UBE4B: variants seen among roughly 807,000 people sequenced by gnomAD.
The protein encoded by UBE4B is ubiquitin conjugation factor E4 B.
Under a neutral mutation model 148.1 loss-of-function variants are expected in UBE4B, and 27 were observed. The ratio of observed to expected loss-of-function variants is 0.18; its 90% confidence interval spans 0.13 to 0.25. The LOEUF (loss-of-function observed/expected upper bound fraction) is 0.25. Among genes scored for constraint, UBE4B ranks in the 10% least tolerant of loss-of-function variants. The pLI is 1.00. For synonymous variants in UBE4B, 596 were observed against 619.3 expected, an observed-to-expected ratio of 0.96 and a Z score of 0.56; for missense variants, 1,170 against 1,662.4, an observed-to-expected ratio of 0.70 and a Z score of 5.15.
intron 2 of UBE4B, among the ~76,000 whole-genome samples, chr1:10,092,645 T>C (rs1164634726): frequency 6.6e-6 from 1 of 151,898 alleles, no homozygotes. Context: ...CTGACAAACA[T>C]GGTTAAACCC....
chr1:10,106,541 G>T lies in UBE4B; in HGVS notation c.1154G>T (p.Ser385Ile), dbSNP rs1479959631. The T allele has an allele frequency of 1.3e-6, 2 of 1,595,418 alleles. No homozygotes were observed. The highest frequency in any genetic ancestry group is 8.5e-7 in the Non-Finnish European group (1 of 1,172,338). Residue 385 changes from serine (S) to isoleucine (I), a missense_variant, in exon 7 of 28, where the codon AGT (serine) becomes ATT (isoleucine). Around this residue, in one of 6 missense-constraint regions of UBE4B, gnomAD observed 214 missense variants for 209.1 expected, o/e 1.02. Coordinates refer to ENST00000343090, the MANE Select transcript of UBE4B (RefSeq NM_001105562.3). This position sits in a 1 kb window ranked among gnomAD's most constrained non-coding sequence, Gnocchi z 4.2. ...TGPPLPPASP[S>I]ATSRRPSSLR... ...CCACCCCTACCACCCGCCTCACCCA[G>T]TGCCACGAGCAGACGCCCCTCCTCC...
At chr1:10,095,249 A>G (rs1644912924) in intron 2 of UBE4B, among the ~76,000 whole-genome samples, 1 of 152,192 alleles carries the variant, frequency 6.6e-6, no homozygotes, top group African/African-American at 2.4e-5. Context: ...CTGACCTCAT[A>G]TGAAGTATAT....
intron 1 of UBE4B, among the ~76,000 whole-genome samples, chr1:10,040,799 T>C (rs990114013): frequency 6.6e-6 from 1 of 152,004 alleles, no homozygotes; most frequent in Non-Finnish European, 1.5e-5. Context: ...TTTGTATTTT[T>C]ATTAGAGACG....
At chr1:10,044,113 A>C (rs1433583073) in intron 1 of UBE4B, among the ~76,000 whole-genome samples, 1 of 151,886 alleles carries the variant, frequency 6.6e-6, no homozygotes, top group Non-Finnish European at 1.5e-5. Context: ...ATCTCAGCTC[A>C]CTGCAACCTC....
At chr1:10,046,493 G>C (rs1643914687) in intron 1 of UBE4B, among the ~76,000 whole-genome samples, 1 of 152,084 alleles carries the variant, frequency 6.6e-6, no homozygotes, top group Non-Finnish European at 1.5e-5. Flanking sequence ...GGAAGAATGG[G>C]GAGTAATACT....
At chr1:10,071,731 C>T (rs1644489234) in intron 1 of UBE4B, among the ~76,000 whole-genome samples, 1 of 151,894 alleles carries the variant, frequency 6.6e-6, no homozygotes, top group African/African-American at 2.4e-5. Context: ...GTTGTCACTG[C>T]TTTGCTCAGG....
intron 23 of UBE4B, among the ~76,000 whole-genome samples, chr1:10,163,562 A>G (rs949595516): frequency 3.3e-5 from 5 of 151,774 alleles, no homozygotes; most frequent in African/African-American, 9.6e-5. Flanking sequence ...CAGCTACTTG[A>G]GAGGCTGAGG....
chr1:10,059,105 C>T (rs1644234163), intron 1 of UBE4B: 1 of 152,290 alleles, frequency 6.6e-6, no homozygotes, highest in South Asian at 2.1e-4. Context: ...CGGTGGGCGC[C>T]TGTAGTCCCA....
In UBE4B at chr1:10,063,452, C is replaced by A. The variant is rs80108048; in HGVS notation, c.25-8576C>A. ...ATCCAGGCCTGAAATCTAGATTATT[C>A]TTCTTCCTCACTTTTTACTTCCAAA... is the stretch of plus-strand genomic sequence containing the variant. On this transcript the variant is annotated intron_variant, in intron 1 of 27. Coordinates refer to ENST00000343090, the MANE Select transcript of UBE4B (RefSeq NM_001105562.3). Among the ~76,000 whole-genome samples the A allele has an allele frequency of 4.6e-3, 707 of 152,252 alleles. 3 individuals carry two copies. The highest frequency in any genetic ancestry group is 0.01 in the Middle Eastern group (3 of 294).
At chr1:10,175,896 A>C (rs1245676875) in intron 25 of UBE4B, among the ~76,000 whole-genome samples, 1 of 152,136 alleles carries the variant, frequency 6.6e-6, no homozygotes, top group Non-Finnish European at 1.5e-5. Context: ...TGTGGCATGT[A>C]GTACAGTCAC....
chr1:10,179,129 T>C (rs914240870), intron 26 of UBE4B: 7 of 486,898 alleles, frequency 1.4e-5, no homozygotes, highest in African/African-American at 1.2e-4. Context: ...AATTCCAGCC[T>C]GCCGTCCTCG....
chr1:10,111,086 C>CACACACAT (rs1645211946), intron 7 of UBE4B, among the ~76,000 whole-genome samples: 1 of 146,996 alleles, frequency 6.8e-6, no homozygotes, highest in African/African-American at 2.7e-5. Flanking sequence ...CACACACACA[C>CACACACAT]ACACACAGTC....
At chr1:10,098,101 C>T (rs1276538593) in intron 3 of UBE4B, among the ~76,000 whole-genome samples, 1 of 152,074 alleles carries the variant, frequency 6.6e-6, no homozygotes, top group Non-Finnish European at 1.5e-5. Flanking sequence ...AAACTCCTGA[C>T]TTCAAGTGAT....
chr1:10,082,943 A>G (rs1644708732), intron 2 of UBE4B, among the ~76,000 whole-genome samples: 1 of 151,798 alleles, frequency 6.6e-6, no homozygotes, highest in Admixed American at 6.6e-5. Flanking sequence ...TTTACTGAGG[A>G]TGGTGGCTTC....
At chr1:10,089,542 T>C (rs1005357107) in intron 2 of UBE4B, among the ~76,000 whole-genome samples, 3 of 152,112 alleles carry the variant, frequency 2.0e-5, no homozygotes, top group Non-Finnish European at 4.4e-5. Context: ...GACTTGGTGT[T>C]AACCAAATAA....
intron 21 of UBE4B, among the ~76,000 whole-genome samples, chr1:10,152,293 AAT>A (rs1645989958): frequency 1.3e-5 from 2 of 148,592 alleles, no homozygotes; most frequent in African/African-American, 5.0e-5. Context: ...TAATAATAAT[AAT>A]ACCACTTTTC....
At chr1:10,130,960 AAG>A in intron 14 of UBE4B, 147 bp downstream of exon 14, 2 of 676,468 alleles carry the variant, frequency 3.0e-6, no homozygotes, top group Non-Finnish European at 5.1e-6. Flanking sequence ...AACTATAAGT[AAG>A]TAGCCTGTGT....
intron 8 of UBE4B, among the ~76,000 whole-genome samples, chr1:10,118,413 C>G (rs1222499792): frequency 6.6e-6 from 1 of 152,128 alleles, no homozygotes; most frequent in Non-Finnish European, 1.5e-5. Context: ...TCTCAGCTCA[C>G]TGCAACCTCC....
intron 3 of UBE4B, among the ~76,000 whole-genome samples, chr1:10,097,366 CAG>C (rs1176728140): frequency 1.3e-5 from 2 of 152,028 alleles, no homozygotes; most frequent in African/African-American, 4.8e-5. Context: ...AAAAAGACAA[CAG>C]GGGTCCAGGA....
Sources: allele counts gnomAD v4.1 joint callset (sites outside exome capture counted in the v4.1 genomes callset), GRCh38; gene constraint gnomAD v4.1.1; regional missense constraint gnomAD v4.1.1; non-coding constraint Gnocchi (gnomAD v3.1); transcripts MANE v1.5; gene names NCBI Gene and HGNC (gene_info 2026-07-23, HGNC 2026-07-21).